RBBP8NL: variants seen among roughly 807,000 people sequenced by gnomAD.
RBBP8NL encodes RBBP8 N-terminal-like protein.
RBBP8NL carries 59 observed loss-of-function variants against 62.2 expected under a neutral mutation model. The ratio of observed to expected loss-of-function variants is 0.95; its 90% CI spans 0.77 to 1.18. RBBP8NL has a LOEUF of 1.18. Ranked by LOEUF, RBBP8NL falls within the 50% of genes most tolerant of loss-of-function variation. The pLI is 0.00. For synonymous variants in RBBP8NL, 412 were observed against 394.1 expected (o/e 1.05, Z -0.54); for missense variants, 896 against 899.5 (o/e 1.00, Z 0.05).
chr20:62,410,768 C>T lies in RBBP8NL; in HGVS notation c.*110G>A. On this transcript the variant is annotated 3_prime_UTR_variant, in exon 14 of 14. Transcript: ENST00000252998. ...CAGCTGAGGCTGGCTAGGTCTTCTC[C>T]CAGGGTTCTGTGCAGGGCTGCCTGC... 1 of 750,916 alleles carries T rather than the reference C, an allele frequency of 1.3e-6. No individual in the cohort carries two copies. Among genetic ancestry groups the T allele is most frequent in the South Asian group, 1.7e-5 (1 of 60,542 alleles). The allele number at this position is 750,916 out of a possible 1,614,324, so 46.5% of individuals were successfully genotyped here.
rs1386606406 is a variant in RBBP8NL at position 62,415,256 on chromosome 20, C to T, written c.659G>A (p.Gly220Glu). The T allele has an allele frequency of 1.9e-6, 3 of 1,568,830 alleles. No individual in the cohort carries two copies. Among genetic ancestry groups the T allele is most frequent in the South Asian group, 2.3e-5 (2 of 86,210 alleles). Residue 220 changes from glycine (G) to glutamate (E), a missense_variant, in exon 9 of 14, where the codon GGG becomes GAG. Transcript: ENST00000252998. ...SPQRISNQLH[G>E]TIAVVRPGSQ... ...CCCAGGCCGCACCACGGCAATGGTC[C>T]CGTGCAGCTGGTTGGAGATGCGCTG...
Position 62,416,202 on chromosome 20 carries a change from C to T in RBBP8NL, c.348G>A (p.Glu116=), listed in dbSNP as rs1441217595. ...NEMNGLKEEN[E]TLKEEVKRLR... ...GCCGCTTCACCTCCTCCTTCAAGGT[C>T]TCGTTCTCTTCCTTCAGCCCGTTCA... is the stretch of plus-strand genomic sequence containing the variant. Residue 116 remains glutamate (E), a synonymous_variant, in exon 6 of 14, where the codon GAG becomes GAA. Coordinates refer to ENST00000252998, the MANE Select transcript of RBBP8NL (RefSeq NM_080833.3). 1 of 1,609,770 alleles carries T rather than the reference C, an allele frequency of 6.2e-7. No homozygotes were observed. Among genetic ancestry groups the T allele is most frequent in the East Asian group, 2.2e-5 (1 of 44,612 alleles).
At chr20:62,413,024 G>A (rs1174813361) in intron 11 of RBBP8NL, 124 bp from the exon 12 acceptor site, 3 of 1,120,846 alleles carry the variant, frequency 2.7e-6, no homozygotes, top group African/African-American at 3.1e-5. Flanking sequence ...AGGGCCAAGT[G>A]ACCTGCCCCA....
At position 62,415,809 on chromosome 20, in the gene RBBP8NL, C is replaced by T. The variant is rs757069226; in HGVS notation, c.523G>A (p.Gly175Ser). 1.7e-5 allele frequency: 28 copies of T among 1,612,320 alleles called. No individual in the cohort carries two copies. The highest frequency in any genetic ancestry group is 2.2e-5 in the Non-Finnish European group (26 of 1,179,912). The change falls in exon 7 of 14, where the codon GGC becomes AGC. Residue 175 changes from glycine to serine, a missense_variant. Transcript: ENST00000252998. ...GCACCTTCTCCCCGTAGGCCCACGC[C>T]CTGGTGGTCTTCCTCAGCCTCCTCG... is the stretch of plus-strand genomic sequence containing the variant. ...GHEEAEEDHQ[G>S]VGLRGEEKPA...
chr20:62,419,190 TC>T (rs1361543231), intron 2 of RBBP8NL, among the ~76,000 whole-genome samples: 2 of 152,080 alleles, frequency 1.3e-5, no homozygotes, highest in African/African-American at 4.8e-5. Context: ...CCTGGTGAGC[TC>T]AGCAGGCCGG....
rs1317954942 is a variant in RBBP8NL, at chr20:62,416,772, T to C, written c.301A>G (p.Ile101Val). ...ESSHLQNLQR[I>V]FILTNEMNGL... ...GGGTGGGGCTCACTGAGGATGAAGA[T>C]GCGCTGCAGGTTCTGCAGGTGGGAG... The change falls in exon 5 of 14, where the codon ATC becomes GTC. Residue 101 changes from isoleucine (I) to valine (V), a missense_variant. Transcript: ENST00000252998. 6 of 1,584,172 alleles carry C rather than the reference T, an allele frequency of 3.8e-6. No individual in the cohort carries two copies. Among genetic ancestry groups the C allele is most frequent in the Non-Finnish European group, 5.2e-6 (6 of 1,163,840 alleles).
At chr20:62,426,688 T>C (rs1182004624) in intron 1 of RBBP8NL, among the ~76,000 whole-genome samples, 1 of 152,242 alleles carries the variant, frequency 6.6e-6, no homozygotes, top group African/African-American at 2.4e-5. Context: ...ATGTTGGTGG[T>C]GAGCCCTGAC....
In RBBP8NL at chr20:62,414,548, C is replaced by T. The variant is rs767457990; in HGVS notation, c.803G>A (p.Arg268Gln). The T allele has an allele frequency of 2.7e-5, 38 of 1,420,250 alleles. No homozygotes were observed. Among genetic ancestry groups the T allele is most frequent in the South Asian group, 6.7e-5 (4 of 59,430 alleles). The allele number at this position is 1,420,250 out of a possible 1,614,324, so 88.0% of individuals were successfully genotyped here. ...ERGLSLDSFL[R>Q]ASRPSAMTHE... ...GGTCATGGCGGAGGGCCGGGAGGCC[C>T]GCAGGAAGCTGTGAGGGAGGAGAAG... is the stretch of plus-strand genomic sequence containing the variant. The change falls in exon 10 of 14, where the codon CGG becomes CAG. Residue 268 changes from arginine (R) to glutamine (Q), a missense_variant. Coordinates refer to ENST00000252998, the MANE Select transcript of RBBP8NL (RefSeq NM_080833.3).
chr20:62,415,534 G>A (rs775243797), intron 8 of RBBP8NL, 44 bp downstream of exon 8: 14 of 1,594,186 alleles, frequency 8.8e-6, no homozygotes, highest in Middle Eastern at 1.8e-4. Context: ...TCCTGCCTGC[G>A]CCGGCCCAGC....
chr20:62,416,342 G>C, intron 5 of RBBP8NL, 106 bp from the exon 6 acceptor site: 1 of 1,021,572 alleles, frequency 9.8e-7, no homozygotes, highest in Non-Finnish European at 1.5e-6. Flanking sequence ...CCCCCAGCAC[G>C]TAGCCCAGGG....
chr20:62,422,037 C>A (rs936667442), intron 1 of RBBP8NL, among the ~76,000 whole-genome samples: 1 of 152,202 alleles, frequency 6.6e-6, no homozygotes, highest in African/African-American at 2.4e-5. Flanking sequence ...CCCTGCCTCC[C>A]CCCATCTCTT....
At chr20:62,417,505 A>AAT (rs1272227661) in intron 3 of RBBP8NL, among the ~76,000 whole-genome samples, 186 bp from the exon 4 acceptor site, 3 of 100,572 alleles carry the variant, frequency 3.0e-5, no homozygotes, top group African/African-American at 1.1e-4. Context: ...CCGTCCACGC[A>AAT]GCCCCCCCAG....
intron 5 of RBBP8NL, 53 bp from the exon 6 acceptor site, chr20:62,416,289 A>C: frequency 8.5e-5 from 10 of 117,560 alleles, no homozygotes; most frequent in East Asian, 3.8e-4. Context: ...GGACAGGGGC[A>C]GGGGTGGGGT....
chr20:62,416,893 G>T (rs1261159037), intron 4 of RBBP8NL, 21 bp from the exon 5 acceptor site: 17 of 1,517,214 alleles, frequency 1.1e-5, no homozygotes, highest in Non-Finnish European at 1.4e-5. Context: ...GGGGACGCAG[G>T]GGGTGTGAGG....
chr20:62,413,881 T>C lies in RBBP8NL; in HGVS notation c.1470A>G (p.Ala490=). Residue 490 remains alanine, a synonymous_variant, in exon 10 of 14, where the codon GCA becomes GCG. Transcript: ENST00000252998. ...TGGTCCCCTTGGTGCCATTGCTGAG[T>C]GCCTGGGGACTGCGAGTCAGGGGTC... ...QSGPLTRSPQ[A]LSNGTKGTRV... 2 of 1,595,974 alleles carry C rather than the reference T, an allele frequency of 1.3e-6. No individual in the cohort carries two copies. Among genetic ancestry groups the C allele is most frequent in the Non-Finnish European group, 1.7e-6 (2 of 1,172,092 alleles).
At chr20:62,422,352 A>G (rs1286013630) in intron 1 of RBBP8NL, among the ~76,000 whole-genome samples, 1 of 151,588 alleles carries the variant, frequency 6.6e-6, no homozygotes, top group Non-Finnish European at 1.5e-5. Flanking sequence ...GCCCAGCCCC[A>G]TGCCCATCCC....
chr20:62,416,084 C>T (rs1988558099), intron 6 of RBBP8NL, 80 bp downstream of exon 6: 1 of 1,498,028 alleles, frequency 6.7e-7, no homozygotes, highest in East Asian at 2.4e-5. Context: ...TGGGCGGTTC[C>T]CCCAGGGACG....
At position 62,419,578 on chromosome 20, in the gene RBBP8NL, G is replaced by A. The variant is rs1264644200; in HGVS notation, c.61+9C>T. The A allele has an allele frequency of 1.9e-6, 3 of 1,613,366 alleles. No homozygotes were observed. In the South Asian group the frequency reaches 3.3e-5, roughly 18 times the overall value. Reference sequence around the variant, plus strand: ...CTCCCTAGCCTGGCATCTGTCCCTGGCCCCTCACCCAGGACTTCCTTCTCG... The same window carrying A: ...CTCCCTAGCCTGGCATCTGTCCCTGACCCCTCACCCAGGACTTCCTTCTCG... On this transcript the variant is annotated intron_variant, in intron 2 of 13. Coordinates refer to ENST00000252998, the MANE Select transcript of RBBP8NL (RefSeq NM_080833.3).
At chr20:62,426,581 C>A (rs1432045202) in intron 1 of RBBP8NL, among the ~76,000 whole-genome samples, 1 of 152,248 alleles carries the variant, frequency 6.6e-6, no homozygotes, top group African/African-American at 2.4e-5. Flanking sequence ...TCAGAGTCTC[C>A]TCCCACCCTC....
Sources: gnomAD v4.1 joint callset for allele counts (sites outside exome capture counted in the v4.1 genomes callset) on GRCh38, gnomAD v4.1.1 for gene constraint, MANE v1.5 for transcripts, NCBI Gene and HGNC (gene_info 2026-07-23, HGNC 2026-07-21) for gene names.